The following ATP8B4 variants were observed in gnomAD, a reference collection of about 807,000 sequenced individuals.
The protein encoded by ATP8B4 is probable phospholipid-transporting ATPase IM.
ATP8B4 carries 133 observed loss-of-function variants against 145.6 expected under a neutral mutation model. That is an observed-to-expected ratio of 0.91 (90% CI 0.79 to 1.05). The LOEUF is 1.05. ATP8B4 is among the 50% of genes least tolerant of loss of function. The pLI, the probability that ATP8B4 is intolerant of heterozygous loss-of-function variation, is 0.00. For synonymous variants in ATP8B4, 507 were observed against 492.9 expected (o/e 1.03, Z -0.38); for missense variants, 1,458 against 1,425.2 (o/e 1.02, Z -0.37).
intron 5 of ATP8B4, among the ~76,000 whole-genome samples, chr15:50,040,446 C>G (rs768216818): frequency 8.5e-5 from 13 of 152,210 alleles, no homozygotes; most frequent in Non-Finnish European, 1.9e-4. Context: ...ATTAAACTCT[C>G]CAATCCACCC....
chr15:50,000,723 A>G (rs1248273218), intron 8 of ATP8B4, among the ~76,000 whole-genome samples: 2 of 152,156 alleles, frequency 1.3e-5, no homozygotes, highest in Non-Finnish European at 2.9e-5. Context: ...CCAGTTTATC[A>G]AAGTTTTCCT....
intron 14 of ATP8B4, among the ~76,000 whole-genome samples, chr15:49,957,242 G>A (rs2043650413): frequency 6.6e-6 from 1 of 151,970 alleles, no homozygotes; most frequent in African/African-American, 2.4e-5. Context: ...GTTCATATTA[G>A]GAAATTGATC....
chr15:49,864,646 T>G (rs116696663), intron 26 of ATP8B4, among the ~76,000 whole-genome samples: 1 of 152,142 alleles, frequency 6.6e-6, no homozygotes, highest in Non-Finnish European at 1.5e-5. Context: ...CTTTGTAGAA[T>G]AATAGAATCT....
intron 1 of ATP8B4, chr15:50,114,419 T>A (rs2057102268): frequency 6.6e-6 from 1 of 152,258 alleles, no homozygotes; most frequent in African/African-American, 2.4e-5. Flanking sequence ...ACATTGGAAG[T>A]ACTTACAGAA....
At chr15:50,083,435 A>G (rs2054686495) in intron 2 of ATP8B4, among the ~76,000 whole-genome samples, 1 of 149,970 alleles carries the variant, frequency 6.7e-6, no homozygotes, top group Admixed American at 6.7e-5. Context: ...TTCTTTCTGT[A>G]TCATCTCTAC....
chr15:49,985,011 T>A (rs184289543), intron 10 of ATP8B4, among the ~76,000 whole-genome samples: 64 of 152,328 alleles, frequency 4.2e-4, no homozygotes, highest in South Asian at 8.3e-4. Flanking sequence ...GCAAATCATA[T>A]CTGTGTCATC....
rs951591732 is a variant in ATP8B4 at position 49,878,011 on chromosome 15, C to T, written c.2781+1365G>A. 2.0e-5 allele frequency among the ~76,000 whole-genome samples: 3 copies of T among 152,162 alleles called. No individual in the cohort carries two copies. The East Asian group carries it at 5.8e-4, about 29-fold the overall frequency. On this transcript the variant is annotated intron_variant, in intron 24 of 27. Transcript: ENST00000284509. The stretch of plus-strand genomic sequence containing the variant: ...GCAGATCTGTTGATGATTGCTGAGG[C>T]CTGTCCAGCATAGCATTCCACGATC...
chr15:49,996,556 C>G lies in ATP8B4; in HGVS notation c.589+121G>C, dbSNP rs2047441662. 9.1e-6 allele frequency: 7 copies of G among 767,690 alleles called. No homozygotes were observed. The Admixed American group carries it at 1.5e-4, about 16-fold the overall frequency. 47.6% of individuals were successfully genotyped at this position (767,690 alleles called of 1,614,324 possible). A position where few individuals can be genotyped will look rare whatever the true frequency, so the allele number is the denominator to read the frequency against. ...TGCGAAGAAATTACAGGCTTTGATG[C>G]CTGGAGAATTTGATGTCCTTCCACC... On this transcript the variant is annotated intron_variant, in intron 9 of 27. Transcript: ENST00000284509.
At chr15:50,043,132 C>G (rs2051434298) in intron 5 of ATP8B4, among the ~76,000 whole-genome samples, 1 of 152,138 alleles carries the variant, frequency 6.6e-6, no homozygotes, top group Admixed American at 6.5e-5. Context: ...GTGACTTGGG[C>G]TAGGAATATA....
At chr15:50,127,760 C>G (rs2057316806) in intron 1 of ATP8B4, among the ~76,000 whole-genome samples, 1 of 152,204 alleles carries the variant, frequency 6.6e-6, no homozygotes, top group Non-Finnish European at 1.5e-5. Flanking sequence ...GGAGATAAAA[C>G]TGTTCAAGGC....
intron 12 of ATP8B4, among the ~76,000 whole-genome samples, chr15:49,976,899 T>A (rs575889798): frequency 6.6e-6 from 1 of 152,230 alleles, no homozygotes; most frequent in South Asian, 2.1e-4. Flanking sequence ...GCTTATAATT[T>A]CACCCAGTCT....
chr15:50,110,320 T>C (rs2056877439), intron 1 of ATP8B4, among the ~76,000 whole-genome samples: 1 of 152,180 alleles, frequency 6.6e-6, no homozygotes, highest in South Asian at 2.1e-4. Flanking sequence ...AGGTATACTT[T>C]ACGGAGGACT....
intron 20 of ATP8B4, chr15:49,907,970 G>A (rs2038803920): frequency 1.1e-5 from 5 of 449,028 alleles, no homozygotes; most frequent in South Asian, 7.9e-5. Context: ...CATGGCAAGT[G>A]CACAGCCTCT....
In ATP8B4 at chr15:49,876,411, G is replaced by C. The variant is rs2034428155; in HGVS notation, c.2894C>G (p.Thr965Ser). Residue 965 changes from threonine (T) to serine (S), a missense_variant, in exon 25 of 28, where the codon ACC becomes AGC. Thr to Ser is a moderately conservative substitution (Grantham distance 58). Coordinates refer to ENST00000284509, the MANE Select transcript of ATP8B4 (RefSeq NM_024837.4). ...GGGGATGAAGAAAAGGACTAATGAG[G>C]TGTAGATTCCATGCAACACGCAAAT... ...FFICVLHGIY[T>S]SLVLFFIPYG... The C allele has an allele frequency of 6.2e-7, 1 of 1,613,984 alleles. No individual in the cohort carries two copies. The highest frequency in any genetic ancestry group is 8.5e-7 in the Non-Finnish European group (1 of 1,180,002).
At position 50,038,765 on chromosome 15, in the gene ATP8B4, T is replaced by C. The variant is rs969856596; in HGVS notation, c.362+3A>G. On this transcript the variant is annotated splice_donor_region_variant and intron_variant, in intron 6 of 27. Transcript: ENST00000284509. ...AGAATAACCCACAGAATGTATTTCT[T>C]ACTTGCTGTTGATGAGCACTTCAGA... is the stretch of plus-strand genomic sequence containing the variant. 4.3e-6 allele frequency: 7 copies of C among 1,609,844 alleles called. No homozygotes were observed. The African/African-American group carries it at 8.0e-5, about 18-fold the overall frequency.
chr15:50,047,502 G>A, intron 3 of ATP8B4, 38 bp from the exon 4 acceptor site: 1 of 1,245,742 alleles, frequency 8.0e-7, no homozygotes, highest in South Asian at 1.2e-5. Context: ...TTGGGGCAAG[G>A]CATTGCTCAT....
At chr15:50,073,197 T>C (rs1385927971) in intron 3 of ATP8B4, among the ~76,000 whole-genome samples, 2 of 151,438 alleles carry the variant, frequency 1.3e-5, no homozygotes, top group Non-Finnish European at 2.9e-5. Context: ...CAGCCCGTCA[T>C]CTACATTAGG....
At chr15:50,084,149 C>T (rs144427358) in intron 2 of ATP8B4, among the ~76,000 whole-genome samples, 76 of 152,148 alleles carry the variant, frequency 5.0e-4, no homozygotes, top group African/African-American at 1.7e-3. Flanking sequence ...CGTGATGTAA[C>T]GAAAAGGAAT....
chr15:50,083,275 C>T (rs556189295), intron 2 of ATP8B4, among the ~76,000 whole-genome samples: 10 of 152,220 alleles, frequency 6.6e-5, no homozygotes, highest in African/African-American at 2.2e-4. Flanking sequence ...TGACTGTTTT[C>T]TTTGAAACTT....
Sources: allele counts gnomAD v4.1 joint callset (sites outside exome capture counted in the v4.1 genomes callset), GRCh38; gene constraint gnomAD v4.1.1; transcripts MANE v1.5; gene names NCBI Gene and HGNC (gene_info 2026-07-23, HGNC 2026-07-21).